Variants in SCN10A observed in about 807,000 individuals in gnomAD.
SCN10A encodes sodium channel protein type 10 subunit alpha.
In SCN10A, 162 loss-of-function variants were observed where a neutral mutation model predicts 170.7. That is an observed-to-expected ratio of 0.95 (90% CI 0.84 to 1.08). The LOEUF (loss-of-function observed/expected upper bound fraction) is 1.08, where lower values mean the gene tolerates loss of function less well. Among genes scored for constraint, SCN10A ranks in the 50% least tolerant of loss-of-function variants. SCN10A has a pLI of 0.00. For synonymous variants in SCN10A, 985 were observed against 904.6 expected, an observed-to-expected ratio of 1.09 and a Z score of -1.59; for missense variants, 2,527 against 2,436.9, an observed-to-expected ratio of 1.04 and a Z score of -0.78.
intron 1 of SCN10A, among the ~76,000 whole-genome samples, chr3:38,815,586 G>A (rs2064470997): frequency 1.3e-5 from 2 of 152,204 alleles, no homozygotes; most frequent in Non-Finnish European, 2.9e-5. Context: ...CACTGACCCG[G>A]AGACCATGCA....
chr3:38,705,768 C>T (rs2063204096), intron 26 of SCN10A, among the ~76,000 whole-genome samples: 1 of 152,130 alleles, frequency 6.6e-6, no homozygotes, highest in African/African-American at 2.4e-5. Context: ...CCCTAGCACA[C>T]ACCTCCTTGG....
At chr3:38,705,517 T>C (rs981211148) in intron 26 of SCN10A, among the ~76,000 whole-genome samples, 3 of 152,168 alleles carry the variant, frequency 2.0e-5, no homozygotes, top group Admixed American at 6.5e-5. Flanking sequence ...CCCACTCCTA[T>C]TTACTGCCTG....
chr3:38,702,327 C>T (rs781334318), intron 26 of SCN10A, among the ~76,000 whole-genome samples: 22 of 152,224 alleles, frequency 1.4e-4, no homozygotes, highest in Non-Finnish European at 2.5e-4. Flanking sequence ...TGCCACCAGG[C>T]CCTTCTTTTG....
chr3:38,803,439 GC>G (rs1381888811), intron 1 of SCN10A, among the ~76,000 whole-genome samples: 4 of 152,028 alleles, frequency 2.6e-5, no homozygotes, highest in Non-Finnish European at 5.9e-5. Context: ...AGAAAATGTG[GC>G]ACATATACAC....
chr3:38,701,785 C>T (rs2063158310), intron 27 of SCN10A, 54 bp downstream of exon 27: 2 of 1,516,886 alleles, frequency 1.3e-6, no homozygotes, highest in Non-Finnish European at 1.8e-6. Flanking sequence ...GAAGAGCATC[C>T]CAAAGACCCC....
intron 25 of SCN10A, 83 bp from the exon 26 acceptor site, chr3:38,707,466 C>G: frequency 7.2e-7 from 1 of 1,381,424 alleles, no homozygotes; most frequent in Admixed American, 1.8e-5. Context: ...GAGAAAGGAT[C>G]ATATCAACCT....
chr3:38,775,017 T>C (rs1329263033), intron 4 of SCN10A, among the ~76,000 whole-genome samples: 1 of 152,196 alleles, frequency 6.6e-6, no homozygotes, highest in Non-Finnish European at 1.5e-5. Context: ...TTGCTGACCA[T>C]GTGGCTGGAG....
At chr3:38,700,489 T>C (rs2125981838) in intron 27 of SCN10A, among the ~76,000 whole-genome samples, 1 of 152,266 alleles carries the variant, frequency 6.6e-6, no homozygotes. Flanking sequence ...TATTTGGAGG[T>C]TATGGACATG....
intron 21 of SCN10A, among the ~76,000 whole-genome samples, chr3:38,714,479 T>A (rs1479236831): frequency 1.3e-5 from 2 of 152,196 alleles, no homozygotes; most frequent in Non-Finnish European, 2.9e-5. Context: ...GCTGAGAGTC[T>A]ATTCTGAGGA....
At chr3:38,757,762 G>C (rs534391364) in intron 8 of SCN10A, among the ~76,000 whole-genome samples, 2 of 152,148 alleles carry the variant, frequency 1.3e-5, no homozygotes, top group Non-Finnish European at 2.9e-5. Context: ...AAATATAACT[G>C]TCAAGTAGCC....
At position 38,697,723 on chromosome 3, in the gene SCN10A, T is replaced by C; in HGVS notation, c.5497A>G (p.Asn1833Asp). The change falls in exon 28 of 28, where the codon AAT becomes GAT. Residue 1833 changes from asparagine (N) to aspartate (D), a missense_variant. Transcript: ENST00000449082. ...GGTTCATAGGATGATTTTGAAAGAT[T>C]AGTTGCCATAAACTTCTCCTCCATA... ...ANMEEKFMAT[N>D]LSKSSYEPIA... 4.3e-6 allele frequency: 7 copies of C among 1,614,116 alleles called. No individual in the cohort carries two copies. The highest frequency in any genetic ancestry group is 5.9e-6 in the Non-Finnish European group (7 of 1,180,018).
Position 38,766,494 on chromosome 3 carries a change from A to G in SCN10A, c.600-2898T>C, listed in dbSNP as rs114058400. On this transcript the variant is annotated intron_variant, in intron 5 of 27. Coordinates refer to ENST00000449082, the MANE Select transcript of SCN10A (RefSeq NM_006514.4). Reference sequence around the variant, plus strand: ...TTTTCCTGCACCTATTGAGATGATCATATGATTTTTGTTTTTAATTCTGTT... The same window carrying G: ...TTTTCCTGCACCTATTGAGATGATCGTATGATTTTTGTTTTTAATTCTGTT... Among the ~76,000 whole-genome samples the G allele has an allele frequency of 6.5e-3, 990 of 152,218 alleles. 17 individuals are homozygous for G. Among genetic ancestry groups the G allele is most frequent in the Non-Finnish European group, 7.5e-3 (512 of 67,984 alleles).
At chr3:38,747,866 C>T (rs1005983336) in intron 13 of SCN10A, among the ~76,000 whole-genome samples, 8 of 152,134 alleles carry the variant, frequency 5.3e-5, no homozygotes, top group Non-Finnish European at 1.2e-4. Context: ...GAGAATTTTC[C>T]ATCTCCTTTC....
intron 20 of SCN10A, among the ~76,000 whole-genome samples, chr3:38,719,711 C>T (rs1235319712): frequency 6.6e-6 from 1 of 152,130 alleles, no homozygotes; most frequent in Non-Finnish European, 1.5e-5. Context: ...AAGTGACTGG[C>T]AGGAGTGAAA....
chr3:38,808,659 A>C (rs1378601694), intron 1 of SCN10A, among the ~76,000 whole-genome samples: 1 of 152,244 alleles, frequency 6.6e-6, no homozygotes, highest in Admixed American at 6.5e-5. Flanking sequence ...TGATAAGTTT[A>C]GAATTTCTGC....
intron 4 of SCN10A, among the ~76,000 whole-genome samples, chr3:38,785,704 A>G (rs2064191537): frequency 1.3e-5 from 2 of 152,194 alleles, no homozygotes; most frequent in South Asian, 4.1e-4. Flanking sequence ...TAACCTACAG[A>G]ATGGGAGAAA....
intron 21 of SCN10A, among the ~76,000 whole-genome samples, chr3:38,717,963 C>T (rs2063349882): frequency 6.6e-6 from 1 of 152,206 alleles, no homozygotes; most frequent in South Asian, 2.1e-4. Context: ...AGTCAATTCT[C>T]TAATGCAGGG....
At chr3:38,738,886 G>C (rs2063598819) in intron 15 of SCN10A, among the ~76,000 whole-genome samples, 1 of 152,210 alleles carries the variant, frequency 6.6e-6, no homozygotes, top group Admixed American at 6.5e-5. Context: ...CATTGCATGT[G>C]AGTGAGACTA....
intron 26 of SCN10A, among the ~76,000 whole-genome samples, chr3:38,703,310 T>G (rs2063176317): frequency 6.6e-6 from 1 of 152,228 alleles, no homozygotes; most frequent in South Asian, 2.1e-4. Flanking sequence ...GCATTACTCT[T>G]TGTCTCTTGG....
Sources: allele counts gnomAD v4.1 joint callset (sites outside exome capture counted in the v4.1 genomes callset), GRCh38; gene constraint gnomAD v4.1.1; transcripts MANE v1.5; gene names NCBI Gene and HGNC (gene_info 2026-07-23, HGNC 2026-07-21).